MAP2K1: variants seen among roughly 807,000 people sequenced by gnomAD.
The protein encoded by MAP2K1 is dual specificity mitogen-activated protein kinase kinase 1.
A neutral mutation model predicts 46.3 loss-of-function variants in MAP2K1; 16 were observed. The observed-to-expected ratio is 0.35, with a 90% CI of 0.23 to 0.52. The LOEUF (loss-of-function observed/expected upper bound fraction) is 0.52, where lower values mean the gene tolerates loss of function less well. MAP2K1 is among the 20% of genes least tolerant of loss of function. The pLI is 0.94. For synonymous variants in MAP2K1, 183 were observed against 185.6 expected (o/e 0.99, Z 0.11); for missense variants, 263 against 497.1 (o/e 0.53, Z 4.48).
chr15:66,387,199 G>T lies in MAP2K1; in HGVS notation c.-149G>T. 1.7e-6 allele frequency: 1 copy of T among 572,462 alleles called. No individual in the cohort carries two copies. The highest frequency in any genetic ancestry group is 3.0e-6 in the Non-Finnish European group (1 of 334,084). The allele number at this position is 572,462 out of a possible 1,614,324, so 35.5% of individuals were successfully genotyped here. A position where few individuals can be genotyped will look rare whatever the true frequency, so the allele number is the denominator to read the frequency against. On this transcript the variant is annotated 5_prime_UTR_variant, in exon 1 of 11. Coordinates refer to ENST00000307102, the MANE Select transcript of MAP2K1 (RefSeq NM_002755.4). Reference sequence around the variant, plus strand: ...CCGCTACCGGCCCCTCGGCGCTGACGGGACCGCGCGGGGCGCACCCGCTGA... The same window carrying T: ...CCGCTACCGGCCCCTCGGCGCTGACTGGACCGCGCGGGGCGCACCCGCTGA...
chr15:66,429,869 T>G (rs2093470586), intron 1 of MAP2K1, among the ~76,000 whole-genome samples: 2 of 152,100 alleles, frequency 1.3e-5, no homozygotes, highest in Non-Finnish European at 2.9e-5. Flanking sequence ...CAGTTCTTTT[T>G]GTTCTCATAT....
chr15:66,456,260 T>C (rs1288920682), intron 5 of MAP2K1, among the ~76,000 whole-genome samples: 3 of 152,208 alleles, frequency 2.0e-5, no homozygotes, highest in African/African-American at 7.2e-5. Context: ...GACTCTTGTA[T>C]ATTGTGGAAC....
intron 1 of MAP2K1, among the ~76,000 whole-genome samples, chr15:66,404,317 A>C (rs1174116767): frequency 6.6e-6 from 1 of 152,138 alleles, no homozygotes; most frequent in East Asian, 1.9e-4. Flanking sequence ...GCGCCACTGC[A>C]CTCCAGCCTG....
intron 1 of MAP2K1, among the ~76,000 whole-genome samples, chr15:66,431,236 T>C (rs1176402077): frequency 6.6e-6 from 1 of 152,182 alleles, no homozygotes; most frequent in Admixed American, 6.5e-5. Flanking sequence ...ATTGGTGATA[T>C]AGTCGTTGGG....
At chr15:66,455,222 T>A (rs556302856) in intron 5 of MAP2K1, among the ~76,000 whole-genome samples, 301 of 152,298 alleles carry the variant, frequency 2.0e-3, no homozygotes, top group Non-Finnish European at 3.6e-3. Flanking sequence ...TAGTTGATAG[T>A]CCATTGCCTA....
chr15:66,458,159 G>A (rs1186740304), intron 5 of MAP2K1, among the ~76,000 whole-genome samples: 1 of 152,150 alleles, frequency 6.6e-6, no homozygotes, highest in Non-Finnish European at 1.5e-5. Context: ...AGGTAGTTGT[G>A]CTGTGAGTTA....
At chr15:66,437,195 A>G (rs1595862039) in intron 3 of MAP2K1, among the ~76,000 whole-genome samples, 2 of 152,340 alleles carry the variant, frequency 1.3e-5, no homozygotes, top group Middle Eastern at 3.4e-3. Flanking sequence ...AAAATCTGGT[A>G]AATACAGTTT....
rs73469990 is a variant in MAP2K1 at position 66,402,536 on chromosome 15, G to A, written c.80+15109G>A. ...GTTAAGGAAAACTTCAGCAATTTTC[G>A]TGGGGTATCTTTCCATTTGTTCATG... On this transcript the variant is annotated intron_variant, in intron 1 of 10. Coordinates refer to ENST00000307102, the MANE Select transcript of MAP2K1 (RefSeq NM_002755.4). 6.9e-3 allele frequency among the ~76,000 whole-genome samples: 1,044 copies of A among 152,204 alleles called. 15 individuals are homozygous for A. The highest frequency in any genetic ancestry group is 0.024 in the African/African-American group (999 of 41,528).
intron 6 of MAP2K1, among the ~76,000 whole-genome samples, chr15:66,482,148 G>A (rs1028523154): frequency 4.0e-4 from 61 of 152,164 alleles, no homozygotes; most frequent in African/African-American, 1.5e-3. Flanking sequence ...CTGAAGGATT[G>A]TGAGCTCCAG....
Position 66,449,017 on chromosome 15 carries a change from A to AG in MAP2K1, c.568+4310_568+4311insG, listed in dbSNP as rs1891957602. On this transcript the variant is annotated intron_variant, in intron 5 of 10. Coordinates refer to ENST00000307102, the MANE Select transcript of MAP2K1 (RefSeq NM_002755.4). Reference sequence around the variant, plus strand: ...AGACACTGTCTCAAAAAAAAAAAAAAAAAAAAAAAAACAACAACAACCAAA... The same window carrying AG: ...AGACACTGTCTCAAAAAAAAAAAAAAGAAAAAAAAAAACAACAACAACCAAA... Among the ~76,000 whole-genome samples, 10 of 151,000 alleles carry AG rather than the reference A, an allele frequency of 6.6e-5. No individual in the cohort carries two copies. In the East Asian group the frequency reaches 1.9e-3, roughly 29 times the overall value.
intron 1 of MAP2K1, among the ~76,000 whole-genome samples, chr15:66,413,939 A>T (rs375589993): frequency 6.1e-3 from 329 of 53,806 alleles, no homozygotes; most frequent in Middle Eastern, 0.045. Flanking sequence ...CTGTAACCTT[A>T]TTTATGGTGA....
intron 5 of MAP2K1, among the ~76,000 whole-genome samples, chr15:66,477,138 C>T (rs1012836510): frequency 5.3e-5 from 8 of 152,188 alleles, no homozygotes; most frequent in African/African-American, 1.9e-4. Context: ...CTGCTGCCTC[C>T]TAGGCAGTGT....
chr15:66,435,307 A>G (rs888884411), intron 2 of MAP2K1, 70 bp downstream of exon 2: 2 of 1,293,070 alleles, frequency 1.5e-6, no homozygotes, highest in African/African-American at 2.9e-5. Context: ...GGACCAGGGT[A>G]GAAGGAAGAC....
chr15:66,390,233 C>G (rs561854477), intron 1 of MAP2K1, among the ~76,000 whole-genome samples: 1 of 152,246 alleles, frequency 6.6e-6, no homozygotes, highest in Admixed American at 6.5e-5. Context: ...GGGACTGTTT[C>G]CCTGTGTTTC....
intron 5 of MAP2K1, among the ~76,000 whole-genome samples, chr15:66,480,169 AC>A (rs894741655): frequency 3.3e-5 from 5 of 151,806 alleles, no homozygotes; most frequent in African/African-American, 1.2e-4. Flanking sequence ...GCTCACCACA[AC>A]CTCCTCCTCC....
intron 5 of MAP2K1, among the ~76,000 whole-genome samples, chr15:66,469,581 G>T (rs1348178158): frequency 7.1e-6 from 1 of 141,316 alleles, no homozygotes; most frequent in Admixed American, 7.7e-5. Context: ...GAGAGCAGAA[G>T]TAAATGAAGA....
At chr15:66,412,912 T>A (rs917723932) in intron 1 of MAP2K1, among the ~76,000 whole-genome samples, 1 of 152,078 alleles carries the variant, frequency 6.6e-6, no homozygotes, top group Non-Finnish European at 1.5e-5. Flanking sequence ...TATTATTATT[T>A]TTTGACACAG....
intron 5 of MAP2K1, among the ~76,000 whole-genome samples, chr15:66,467,717 C>T (rs905127496): frequency 2.6e-5 from 4 of 152,148 alleles, no homozygotes; most frequent in African/African-American, 7.2e-5. Context: ...CCTGCCACCA[C>T]GCCCAACTAA....
chr15:66,471,069 G>A (rs1007717633), intron 5 of MAP2K1, among the ~76,000 whole-genome samples: 4 of 152,114 alleles, frequency 2.6e-5, no homozygotes, highest in African/African-American at 4.8e-5. Flanking sequence ...AATCAGATAC[G>A]CATTTATCTC....
Sources: allele counts gnomAD v4.1 joint callset (sites outside exome capture counted in the v4.1 genomes callset), GRCh38; gene constraint gnomAD v4.1.1; transcripts MANE v1.5; gene names NCBI Gene and HGNC (gene_info 2026-07-23, HGNC 2026-07-21).